FAM163A: variants seen among roughly 807,000 people sequenced by gnomAD.
The protein encoded by FAM163A is family with sequence similarity 163 member A, also known as protein FAM163A.
In FAM163A, 7 loss-of-function variants were observed where a neutral mutation model predicts 12.0. The ratio of observed to expected loss-of-function variants is 0.58; its 90% CI spans 0.33 to 1.10. The LOEUF is 1.10. FAM163A is among the 50% of genes least tolerant of loss of function. The pLI is 0.03. For missense variants in FAM163A, 202 were observed against 218.6 expected, an observed-to-expected ratio of 0.92 and a Z score of 0.48; for synonymous variants, 101 against 91.0, an observed-to-expected ratio of 1.11 and a Z score of -0.62.
the FAM163A span, among the ~76,000 whole-genome samples, chr1:179,735,495 CTTTTT>C: frequency 2.6e-4 from 16 of 62,182 alleles, no homozygotes; most frequent in South Asian, 7.4e-4. Flanking sequence ...GAGTTACATT[CTTTTT>C]TTTTTTTTTT....
At chr1:179,797,475 G>T (rs1156899333) in intron 1 of FAM163A, among the ~76,000 whole-genome samples, 3 of 152,094 alleles carry the variant, frequency 2.0e-5, no homozygotes, top group Non-Finnish European at 2.9e-5. Flanking sequence ...AATAAGACTT[G>T]TCAAGACAGG....
At chr1:179,746,667 G>C (rs1684506748) in intron 1 of FAM163A, among the ~76,000 whole-genome samples, 1 of 152,154 alleles carries the variant, frequency 6.6e-6, no homozygotes, top group Non-Finnish European at 1.5e-5. Flanking sequence ...TGAACCATGG[G>C]AATACGTTAA....
rs527477294 is a variant in FAM163A, at chr1:179,763,835, C to T, written c.-136+20412C>T. 5.0e-4 allele frequency among the ~76,000 whole-genome samples: 76 copies of T among 152,286 alleles called. 1 individual carries two copies. The highest frequency in any genetic ancestry group is 8.8e-4 in the Non-Finnish European group (60 of 68,016). The stretch of plus-strand genomic sequence containing the variant: ...TTGTGCAATGGGTACAAGACAAGTG[C>T]CTTCCCTTGGCTGAGGAGAGTTTCT... On this transcript the variant is annotated intron_variant, in intron 1 of 4. Transcript: ENST00000341785.
intron 1 of FAM163A, among the ~76,000 whole-genome samples, chr1:179,744,692 C>G (rs1240689046): frequency 6.6e-6 from 1 of 152,242 alleles, no homozygotes; most frequent in East Asian, 1.9e-4. Flanking sequence ...AGGCGGAGGC[C>G]CGCAGGCACT....
chr1:179,814,174 T>C lies in FAM163A; in HGVS notation c.489T>C (p.Ile163=). ...AGGCCTTCACCAATCCAAGGGCTAT[T>C]AGTACAGACGTGTAAATCCTTCCAC... ...GREAFTNPRA[I]STDV is the part of the protein sequence containing the mutation. Residue 163 remains isoleucine, a synonymous_variant, in exon 5 of 5, where the codon ATT becomes ATC. Transcript: ENST00000341785. 1 of 1,613,632 alleles carries C rather than the reference T, an allele frequency of 6.2e-7. No homozygotes were observed. The highest frequency in any genetic ancestry group is 8.5e-7 in the Non-Finnish European group (1 of 1,179,826).
At chr1:179,791,395 G>C (rs973145520) in intron 1 of FAM163A, among the ~76,000 whole-genome samples, 16 of 152,132 alleles carry the variant, frequency 1.1e-4, no homozygotes, top group African/African-American at 3.9e-4. Flanking sequence ...TCTTCCCCCT[G>C]CTCTCTCCTT....
At chr1:179,798,104 C>A (rs1692622069) in intron 1 of FAM163A, among the ~76,000 whole-genome samples, 1 of 152,124 alleles carries the variant, frequency 6.6e-6, no homozygotes, top group Non-Finnish European at 1.5e-5. Context: ...GTGGCAGGTA[C>A]CTGTAATCCC....
chr1:179,769,849 A>G (rs1388648467), intron 1 of FAM163A, among the ~76,000 whole-genome samples: 1 of 146,398 alleles, frequency 6.8e-6, no homozygotes, highest in Non-Finnish European at 1.5e-5. Flanking sequence ...AAGTAAATAC[A>G]TTGTTTTGTT....
chr1:179,803,049 T>C (rs554746673), intron 1 of FAM163A, among the ~76,000 whole-genome samples: 1 of 152,140 alleles, frequency 6.6e-6, no homozygotes, highest in Non-Finnish European at 1.5e-5. Flanking sequence ...GTCAGGACTT[T>C]GTAATGGGCA....
chr1:179,807,409 TC>T (rs1190514075), intron 1 of FAM163A, among the ~76,000 whole-genome samples: 3 of 152,068 alleles, frequency 2.0e-5, no homozygotes, highest in Non-Finnish European at 4.4e-5. Context: ...GCAGGGTCAG[TC>T]ATGCAGGCAA....
chr1:179,753,976 A>G (rs1557896801), intron 1 of FAM163A, among the ~76,000 whole-genome samples: 2 of 152,222 alleles, frequency 1.3e-5, no homozygotes, highest in South Asian at 2.1e-4. Flanking sequence ...TTTAACTTTT[A>G]TCTTCACTGT....
intron 1 of FAM163A, among the ~76,000 whole-genome samples, chr1:179,780,003 G>T (rs1273953921): frequency 6.6e-6 from 1 of 152,188 alleles, no homozygotes; most frequent in African/African-American, 2.4e-5. Flanking sequence ...TTTTCACAAA[G>T]ATTGCATGCT....
chr1:179,812,670 C>G (rs1003596152), intron 3 of FAM163A, among the ~76,000 whole-genome samples: 1 of 152,120 alleles, frequency 6.6e-6, no homozygotes, highest in Non-Finnish European at 1.5e-5. Context: ...ATAACTGCCC[C>G]GAAGGGTTAT....
At chr1:179,772,095 C>T (rs934620872) in intron 1 of FAM163A, among the ~76,000 whole-genome samples, 3 of 152,182 alleles carry the variant, frequency 2.0e-5, no homozygotes, top group African/African-American at 7.2e-5. Context: ...ATTTCAATTT[C>T]ACTGAATATC....
chr1:179,730,135 T>A, the FAM163A span: 1 of 152,324 alleles, frequency 6.6e-6, no homozygotes, highest in South Asian at 2.1e-4. Context: ...GATGTCACAG[T>A]CACCTTACAC....
At chr1:179,799,138 G>T (rs1571541887) in intron 1 of FAM163A, among the ~76,000 whole-genome samples, 1 of 149,476 alleles carries the variant, frequency 6.7e-6, no homozygotes, top group Non-Finnish European at 1.5e-5. Flanking sequence ...GTGTTTCACT[G>T]CTGAAAGAAG....
At chr1:179,768,998 A>G (rs1215794040) in intron 1 of FAM163A, among the ~76,000 whole-genome samples, 4 of 152,240 alleles carry the variant, frequency 2.6e-5, no homozygotes, top group Non-Finnish European at 5.9e-5. Context: ...AAAGACTTTT[A>G]GAGATGCATA....
chr1:179,808,745 C>T (rs912460863), intron 2 of FAM163A, among the ~76,000 whole-genome samples: 1 of 152,204 alleles, frequency 6.6e-6, no homozygotes, highest in Non-Finnish European at 1.5e-5. Context: ...GCATGACTGC[C>T]AGGAGGCAGT....
upstream of FAM163A, chr1:179,741,900 G>A (rs1683696775): frequency 6.6e-6 from 1 of 152,200 alleles, no homozygotes; most frequent in Non-Finnish European, 1.5e-5. Flanking sequence ...GACCTGGGTG[G>A]TGTTTGGTTT....
Sources: allele counts gnomAD v4.1 joint callset (sites outside exome capture counted in the v4.1 genomes callset), GRCh38; gene constraint gnomAD v4.1.1; transcripts MANE v1.5; gene names NCBI Gene and HGNC (gene_info 2026-07-23, HGNC 2026-07-21).